MTCL1: variants seen among roughly 807,000 people sequenced by gnomAD.
MTCL1 encodes the protein microtubule cross-linking factor 1.
A neutral mutation model predicts 141.4 loss-of-function variants in MTCL1; 79 were observed. The ratio of observed to expected loss-of-function variants is 0.56; its 90% CI spans 0.47 to 0.67. The LOEUF (loss-of-function observed/expected upper bound fraction) is 0.67. Among genes scored for constraint, MTCL1 ranks in the 30% least tolerant of loss-of-function variants. The pLI is 0.00. For missense variants in MTCL1, 2,177 were observed against 2,113.9 expected (o/e 1.03, Z -0.59); for synonymous variants, 914 against 875.8 (o/e 1.04, Z -0.77).
intron 4 of MTCL1, among the ~76,000 whole-genome samples, chr18:8,748,229 A>T (rs1407283518): frequency 6.6e-6 from 1 of 152,108 alleles, no homozygotes; most frequent in African/African-American, 2.4e-5. Context: ...CCCTGCAGTC[A>T]GTTTTGCACA....
intron 4 of MTCL1, among the ~76,000 whole-genome samples, chr18:8,756,307 G>A (rs2096397370): frequency 1.3e-5 from 2 of 151,708 alleles, no homozygotes; most frequent in Non-Finnish European, 2.9e-5. Context: ...AAAGAAGTGT[G>A]TGTGTGTATG....
intron 12 of MTCL1, among the ~76,000 whole-genome samples, chr18:8,814,298 T>A (rs1281405370): frequency 6.6e-6 from 1 of 151,834 alleles, no homozygotes; most frequent in East Asian, 1.9e-4. Flanking sequence ...TGAGCTATGA[T>A]CCCCACTGCA....
At chr18:8,705,606 C>CCGCCGCCGTCGT, upstream of MTCL1, 9 of 1,198,816 alleles carry the variant, frequency 7.5e-6, no homozygotes, top group South Asian at 2.0e-4. The surrounding 1 kb of genome is among the most constrained non-coding windows in gnomAD (Gnocchi z 5.2). Flanking sequence ...GCCGCCGCCG[C>CCGCCGCCGTCGT]CGCCGTCGTC....
intron 4 of MTCL1, among the ~76,000 whole-genome samples, chr18:8,762,885 G>A (rs1425161269): frequency 1.3e-5 from 2 of 152,178 alleles, no homozygotes; most frequent in Non-Finnish European, 2.9e-5. Flanking sequence ...CCCGGCTCAG[G>A]CTTGGGAAGC....
At chr18:8,715,710 C>G (rs2096124549), upstream of MTCL1, among the ~76,000 whole-genome samples, 1 of 152,214 alleles carries the variant, frequency 6.6e-6, no homozygotes, top group Non-Finnish European at 1.5e-5. Context: ...TCAGAACTAA[C>G]TTCCCACTCT....
At position 8,822,942 on chromosome 18, in the gene MTCL1, C is replaced by T. The variant is rs768730397; in HGVS notation, c.3188+1444C>T. Reference sequence around the variant, plus strand: ...TATTGGCTGAGGCAGGAAAATTGACCGAACCCGGGAGGCGGAGGTTGCAGT... The same window carrying T: ...TATTGGCTGAGGCAGGAAAATTGACTGAACCCGGGAGGCGGAGGTTGCAGT... On this transcript the variant is annotated intron_variant, in intron 14 of 16. Coordinates refer to ENST00000359865, the Ensembl canonical transcript of MTCL1. The surrounding 1 kb of genome is among the most constrained non-coding windows in gnomAD (Gnocchi z 4.6). 7.9e-5 allele frequency among the ~76,000 whole-genome samples: 12 copies of T among 151,658 alleles called. No homozygotes were observed. Among genetic ancestry groups the T allele is most frequent in the Admixed American group, 1.3e-4 (2 of 15,236 alleles).
chr18:8,774,653 A>C (rs2096498292), intron 4 of MTCL1, among the ~76,000 whole-genome samples: 1 of 152,028 alleles, frequency 6.6e-6, no homozygotes, highest in Non-Finnish European at 1.5e-5. Context: ...ACGCCCAGCT[A>C]ATTTTTGTAT....
intron 4 of MTCL1, among the ~76,000 whole-genome samples, chr18:8,770,524 A>G (rs892601397): frequency 6.6e-6 from 1 of 152,116 alleles, no homozygotes; most frequent in Admixed American, 6.5e-5. Flanking sequence ...TCTTACAAGG[A>G]CGCTAATCCC....
intron 4 of MTCL1, among the ~76,000 whole-genome samples, chr18:8,771,189 A>G (rs925732728): frequency 5.9e-5 from 9 of 152,214 alleles, no homozygotes; most frequent in East Asian, 5.8e-4. Flanking sequence ...GGGTCTCGCA[A>G]TGTTGCTCAG....
At chr18:8,739,922 G>GCA (rs2096293375) in intron 4 of MTCL1, among the ~76,000 whole-genome samples, 1 of 152,186 alleles carries the variant, frequency 6.6e-6, no homozygotes, top group Non-Finnish European at 1.5e-5. Context: ...TAGTAGAGGT[G>GCA]GGGTTTCACC....
At chr18:8,758,347 G>T (rs1306577182) in intron 4 of MTCL1, among the ~76,000 whole-genome samples, 1 of 152,134 alleles carries the variant, frequency 6.6e-6, no homozygotes, top group African/African-American at 2.4e-5. Flanking sequence ...AATCCCTCAG[G>T]AGTTATGCCA....
chr18:8,729,715 T>TATATATAC (rs2096240900), intron 4 of MTCL1, among the ~76,000 whole-genome samples: 1 of 46,666 alleles, frequency 2.1e-5, no homozygotes. Flanking sequence ...TATATATATA[T>TATATATAC]ATATATATAT....
At chr18:8,738,267 A>G (rs4798682) in intron 4 of MTCL1, among the ~76,000 whole-genome samples, 121,007 of 152,154 alleles carry the variant, frequency 0.8, 48,442 homozygotes, top group East Asian at 0.96. Context: ...TGTTATTCTT[A>G]TTAAGTTACT....
chr18:8,825,818 C>T, exon 15 of MTCL1: 5 of 1,614,226 alleles, frequency 3.1e-6, no homozygotes, highest in Non-Finnish European at 4.2e-6. Flanking sequence ...GCCCCGTGCA[C>T]ACCACCATTA....
exon 6 of MTCL1, chr18:8,784,586 G>A (rs1225817283): frequency 1.9e-6 from 3 of 1,611,220 alleles, no homozygotes; most frequent in African/African-American, 1.3e-5. Context: ...GCCCTTACCG[G>A]GGCCTGGCCT....
intron 10 of MTCL1, among the ~76,000 whole-genome samples, chr18:8,800,022 C>T (rs2076061787): frequency 6.6e-6 from 1 of 152,218 alleles, no homozygotes; most frequent in Admixed American, 6.5e-5. Flanking sequence ...CCCAGGTCTG[C>T]CAAGTGGGCC....
intron 7 of MTCL1, among the ~76,000 whole-genome samples, chr18:8,792,796 T>C (rs971712422): frequency 6.6e-6 from 1 of 152,162 alleles, no homozygotes; most frequent in Non-Finnish European, 1.5e-5. Flanking sequence ...GGTGGAACTG[T>C]CCCTCCCCAG....
intron 4 of MTCL1, among the ~76,000 whole-genome samples, chr18:8,774,066 T>A (rs771699849): frequency 1.3e-5 from 2 of 152,236 alleles, no homozygotes; most frequent in African/African-American, 2.4e-5. Context: ...TACTCCGCCC[T>A]CGCAGTGGAG....
chr18:8,752,033 A>C (rs1227841675), intron 4 of MTCL1, among the ~76,000 whole-genome samples: 1 of 152,204 alleles, frequency 6.6e-6, no homozygotes, highest in Non-Finnish European at 1.5e-5. Flanking sequence ...GATATTTGAA[A>C]AGAGGTTGTT....
Sources: gnomAD v4.1 joint callset for allele counts (sites outside exome capture counted in the v4.1 genomes callset) on GRCh38, gnomAD v4.1.1 for gene constraint, Gnocchi (gnomAD v3.1) non-coding constraint, MANE v1.5 for transcripts, NCBI Gene and HGNC (gene_info 2026-07-23, HGNC 2026-07-21) for gene names.